IL17RA: variants seen among roughly 807,000 people sequenced by gnomAD.
The protein encoded by IL17RA is interleukin 17 receptor A.
IL17RA carries 34 observed loss-of-function variants against 50.4 expected under a neutral mutation model. The observed-to-expected ratio is 0.67, with a 90% CI of 0.51 to 0.90. The LOEUF is 0.90. Ranked by LOEUF, IL17RA falls within the 40% of genes least tolerant of loss-of-function variation. The probability of loss-of-function intolerance (pLI) is 0.00; values close to 1 mark genes in which losing one functional copy is unlikely to be tolerated. For missense variants in IL17RA, 1,276 were observed against 1,169.8 expected, an observed-to-expected ratio of 1.09 and a Z score of -1.32; for synonymous variants, 585 against 510.4, an observed-to-expected ratio of 1.15 and a Z score of -1.97.
At chr22:17,106,776 C>A (rs1363073158) in intron 11 of IL17RA, among the ~76,000 whole-genome samples, 1 of 152,172 alleles carries the variant, frequency 6.6e-6, no homozygotes. Flanking sequence ...ATGGGAGGAC[C>A]TATGGGAGGT....
In IL17RA at chr22:17,108,773, C is replaced by G; in HGVS notation, c.1554C>G (p.Gly518=). The part of the protein sequence containing the change: ...SCDGDVPDLF[G]AAPRYPLMDR... ...ACGGCGACGTCCCCGACCTGTTCGG[C>G]GCGGCGCCGCGGTACCCGCTCATGG... The change falls in exon 13 of 13, where the codon GGC becomes GGG. Residue 518 remains glycine (G), a synonymous_variant. Coordinates refer to ENST00000319363, the MANE Select transcript of IL17RA (RefSeq NM_014339.7). 6.2e-7 allele frequency: 1 copy of G among 1,607,336 alleles called. No individual in the cohort carries two copies. Among genetic ancestry groups the G allele is most frequent in the East Asian group, 2.2e-5 (1 of 44,514 alleles).
At chr22:17,107,698 C>CT in intron 11 of IL17RA, 29 bp from the exon 12 acceptor site, 1 of 1,597,852 alleles carries the variant, frequency 6.3e-7, no homozygotes. Context: ...CCCAAAGAAC[C>CT]ACTCCAGTGT....
rs1397666950 is a variant in IL17RA, at chr22:17,091,867, G to A, written c.139-5195G>A. Among the ~76,000 whole-genome samples, 4 of 152,110 alleles carry A rather than the reference G, an allele frequency of 2.6e-5. No homozygotes were observed. In the South Asian group the frequency reaches 6.2e-4, roughly 24 times the overall value. ...TTAGTAACCTTTTTAATTTGGCAACGTGATACTGTGAAATATGTATTTAGT... is the reference window on the plus strand; with the variant it reads ...TTAGTAACCTTTTTAATTTGGCAACATGATACTGTGAAATATGTATTTAGT... On this transcript the variant is annotated intron_variant, in intron 1 of 12. Coordinates refer to ENST00000319363, the MANE Select transcript of IL17RA (RefSeq NM_014339.7).
Position 17,108,604 on chromosome 22 carries a change from G to T in IL17RA, c.1385G>T (p.Gly462Val). 6.2e-7 allele frequency: 1 copy of T among 1,604,616 alleles called. No individual in the cohort carries two copies. Among genetic ancestry groups the T allele is most frequent in the Non-Finnish European group, 8.5e-7 (1 of 1,179,582 alleles). Reference protein sequence around the residue: ...RAKWQALLGRGAPVRLRCDHG... With the variant: ...RAKWQALLGRVAPVRLRCDHG... Reference sequence around the variant, plus strand: ...AAGTGGCAGGCGCTCCTGGGCCGGGGGGCGCCTGTGCGGCTGCGCTGCGAC... The same window carrying T: ...AAGTGGCAGGCGCTCCTGGGCCGGGTGGCGCCTGTGCGGCTGCGCTGCGAC... The change falls in exon 13 of 13, where the codon GGG (glycine) becomes GTG (valine). Residue 462 changes from glycine (G) to valine (V), a missense_variant. Coordinates refer to ENST00000319363, the MANE Select transcript of IL17RA (RefSeq NM_014339.7).
chr22:17,102,432 A>G, intron 7 of IL17RA, 130 bp downstream of exon 7: 1 of 994,100 alleles, frequency 1.0e-6, no homozygotes, highest in Admixed American at 1.7e-5. Context: ...CTTAGTCCAT[A>G]GTGATCATGG....
At chr22:17,104,995 C>T (rs560928621) in intron 9 of IL17RA, among the ~76,000 whole-genome samples, 185 bp downstream of exon 9, 2 of 152,294 alleles carry the variant, frequency 1.3e-5, no homozygotes, top group Admixed American at 6.5e-5. Context: ...GGCTGGACTC[C>T]TGGCTGTCTT....
chr22:17,099,408 G>T (rs759112784), intron 4 of IL17RA, among the ~76,000 whole-genome samples: 1 of 152,064 alleles, frequency 6.6e-6, no homozygotes, highest in Non-Finnish European at 1.5e-5. Flanking sequence ...AAAGCAGTGG[G>T]TCTCAAAGTG....
At chr22:17,094,006 C>G (rs928020404) in intron 1 of IL17RA, 1 of 63,310 alleles carries the variant, frequency 1.6e-5, no homozygotes, top group African/African-American at 3.9e-5. Flanking sequence ...TTTATTTAGA[C>G]AGAGTCTCGC....
intron 1 of IL17RA, among the ~76,000 whole-genome samples, chr22:17,088,112 G>A (rs1411482058): frequency 6.6e-6 from 1 of 152,138 alleles, no homozygotes; most frequent in Non-Finnish European, 1.5e-5. Context: ...GAGAGGCTGG[G>A]TTATTGGCCC....
At chr22:17,102,846 A>C (rs1601344785) in intron 7 of IL17RA, among the ~76,000 whole-genome samples, 1 of 152,218 alleles carries the variant, frequency 6.6e-6, no homozygotes, top group East Asian at 1.9e-4. Flanking sequence ...AAAGTACATT[A>C]ATGACATAAA....
intron 4 of IL17RA, among the ~76,000 whole-genome samples, chr22:17,099,557 G>A (rs1384787804): frequency 6.6e-6 from 1 of 152,074 alleles, no homozygotes; most frequent in Non-Finnish European, 1.5e-5. Flanking sequence ...CACGATGCGA[G>A]CCTTAGTTTG....
In IL17RA at chr22:17,109,859, G is replaced by A. The variant is rs1384643302; in HGVS notation, c.*39G>A. ...GGGACCGCCCAGATCCCAGCTTTGA[G>A]AGAGGAGTGTGTGTGCACGTATTCA... is the stretch of plus-strand genomic sequence containing the variant. On this transcript the variant is annotated 3_prime_UTR_variant, in exon 13 of 13. Transcript: ENST00000319363. The A allele has an allele frequency of 1.3e-6, 2 of 1,528,570 alleles. No individual in the cohort carries two copies. The highest frequency in any genetic ancestry group is 1.4e-5 in the African/African-American group (1 of 72,668). The allele number at this position is 1,528,570 out of a possible 1,614,324, so 94.7% of individuals were successfully genotyped here.
intron 8 of IL17RA, 67 bp from the exon 9 acceptor site, chr22:17,104,659 G>A (rs1210061871): frequency 1.7e-5 from 24 of 1,419,182 alleles, no homozygotes; most frequent in East Asian, 2.3e-5. Context: ...TCACATTGCC[G>A]CTGCTGGCTG....
Position 17,108,366 on chromosome 22 carries a change from A to G in IL17RA, c.1147A>G (p.Ile383Val), listed in dbSNP as rs1448424666. The G allele has an allele frequency of 1.9e-6, 3 of 1,613,958 alleles. No individual in the cohort carries two copies. The highest frequency in any genetic ancestry group is 4.5e-5 in the East Asian group (2 of 44,880). Residue 383 changes from isoleucine to valine, a missense_variant, in exon 13 of 13, where the codon ATC (isoleucine) becomes GTC (valine). By Grantham distance (29) the Ile-to-Val change is conservative. Transcript: ENST00000319363. The stretch of plus-strand genomic sequence containing the variant: ...GCTGAAGCCCAGGAAGGTCTGGATC[A>G]TCTACTCAGCCGACCACCCCCTCTA... ...PPLKPRKVWI[I>V]YSADHPLYVD...
At chr22:17,091,238 A>G (rs891419037) in intron 1 of IL17RA, among the ~76,000 whole-genome samples, 3 of 152,212 alleles carry the variant, frequency 2.0e-5, no homozygotes, top group African/African-American at 4.8e-5. Context: ...AAGTCTTTTC[A>G]TGTCAACATA....
In IL17RA at chr22:17,103,501, C is replaced by T; in HGVS notation, c.770C>T (p.Pro257Leu). 1 of 1,613,564 alleles carries T rather than the reference C, an allele frequency of 6.2e-7. No individual in the cohort carries two copies. Among genetic ancestry groups the T allele is most frequent in the Non-Finnish European group, 8.5e-7 (1 of 1,179,806 alleles). The change falls in exon 8 of 13, where the codon CCA (proline) becomes CTA (leucine). Residue 257 changes from proline to leucine, a missense_variant. Coordinates refer to ENST00000319363, the MANE Select transcript of IL17RA (RefSeq NM_014339.7). ...CCTCGCCTCTCTCCTCAGCCCAGACCAGAAGAGTTCCACCAGCGATCCAAC... is the reference window on the plus strand; with the variant it reads ...CCTCGCCTCTCTCCTCAGCCCAGACTAGAAGAGTTCCACCAGCGATCCAAC... The part of the protein sequence containing the change: ...EHMHHIPAPR[P>L]EEFHQRSNVT...
rs560600355 is a variant in IL17RA at position 17,097,443 on chromosome 22, T to G, written c.164-354T>G. 22 of 511,960 alleles carry G rather than the reference T, an allele frequency of 4.3e-5. No individual in the cohort carries two copies. The East Asian group carries it at 7.1e-4, about 17-fold the overall frequency. The allele number at this position is 511,960 out of a possible 1,614,324, so 31.7% of individuals were successfully genotyped here. The stretch of plus-strand genomic sequence containing the variant: ...TTTTGTTTTAATTCAAAGAGGCACA[T>G]ATTCAAGTGTCTGAGCCAATTAGAG... On this transcript the variant is annotated intron_variant, in intron 2 of 12. Coordinates refer to ENST00000319363, the MANE Select transcript of IL17RA (RefSeq NM_014339.7).
rs368972026 is a variant in IL17RA at position 17,097,495 on chromosome 22, C to A, written c.164-302C>A. 4.8e-5 allele frequency: 26 copies of A among 539,504 alleles called. 1 individual carries two copies. Among genetic ancestry groups the A allele is most frequent in the East Asian group, 1.9e-4 (6 of 30,804 alleles). The allele number at this position is 539,504 out of a possible 1,614,324, so 33.4% of individuals were successfully genotyped here. On this transcript the variant is annotated intron_variant, in intron 2 of 12. Transcript: ENST00000319363. ...CCCCTGACATATAACAATAAAGCAG[C>A]TCTTACTACAACTGCATCCCTCCTG...
chr22:17,109,084 C>T lies in IL17RA; in HGVS notation c.1865C>T (p.Pro622Leu). ...GGAACCGGCATCGTGAAGCGGGCGCCCCTGGTGCGCGAGCCTGGCTCCCAG... is the reference window on the plus strand; with the variant it reads ...GGAACCGGCATCGTGAAGCGGGCGCTCCTGGTGCGCGAGCCTGGCTCCCAG... ...PPGTGIVKRA[P>L]LVREPGSQAC... The change falls in exon 13 of 13, where the codon CCC becomes CTC. Residue 622 changes from proline to leucine, a missense_variant. By Grantham distance (98) the Pro-to-Leu change is moderately conservative (BLOSUM62 -3). Coordinates refer to ENST00000319363, the MANE Select transcript of IL17RA (RefSeq NM_014339.7). The T allele has an allele frequency of 1.3e-6, 2 of 1,571,246 alleles. No individual in the cohort carries two copies. The highest frequency in any genetic ancestry group is 1.7e-6 in the Non-Finnish European group (2 of 1,167,230).
Sources: gnomAD v4.1 joint callset for allele counts (sites outside exome capture counted in the v4.1 genomes callset) on GRCh38, gnomAD v4.1.1 for gene constraint, MANE v1.5 for transcripts, NCBI Gene and HGNC (gene_info 2026-07-23, HGNC 2026-07-21) for gene names.